The following F8 variants were observed in gnomAD, a reference collection of about 807,000 sequenced individuals.
F8 encodes the protein antihemophilic factor.
A neutral mutation model predicts 140.6 loss-of-function variants in F8; 12 were observed. The ratio of observed to expected loss-of-function variants is 0.09; its 90% CI spans 0.05 to 0.14. The LOEUF (loss-of-function observed/expected upper bound fraction) is 0.14, where lower values mean the gene tolerates loss of function less well. Ranked by LOEUF, F8 falls within the 10% of genes least tolerant of loss-of-function variation. F8 has a pLI of 1.00. For synonymous variants in F8, 585 were observed against 614.6 expected (o/e 0.95, Z 0.71); for missense variants, 1,354 against 1,720.7 (o/e 0.79, Z 3.77).
chrX:154,843,068 T>C (rs370994835), intron 25 of F8, among the ~76,000 whole-genome samples: 1 of 111,794 alleles, frequency 8.9e-6, no homozygotes, highest in South Asian at 3.7e-4. Context: ...GTCCTTGTGA[T>C]AGTTTTTGAG....
At position 154,966,591 on chromosome X, in the gene F8, A is replaced by T; in HGVS notation, c.1106T>A (p.Leu369His). Reference protein sequence around the residue: ...NEEAEDYDDDLTDSEMDVVRF... With the variant: ...NEEAEDYDDDHTDSEMDVVRF... ...GACCACATCCATTTCAGAATCAGTA[A>T]GATCATCATCATAGTCTTCCGCTTC... Residue 369 changes from leucine to histidine, a missense_variant, in exon 8 of 26, where the codon CTT (leucine) becomes CAT (histidine). Leu to His is a moderately conservative substitution (Grantham distance 99). Around this residue, in one of 4 missense-constraint regions of F8, gnomAD observed 252 missense variants for 338.5 expected, o/e 0.74. Transcript: ENST00000360256. The T allele has an allele frequency of 2.5e-6, 3 of 1,211,250 alleles. No individual in the cohort carries two copies. Among genetic ancestry groups the T allele is most frequent in the Non-Finnish European group, 3.4e-6 (3 of 895,138 alleles).
chrX:154,930,944 G>A lies in F8; in HGVS notation c.2846C>T (p.Thr949Ile), dbSNP rs782408511. ...CAAGCTCAGAGGTCCACCAGACTCA[G>A]TAAGGGGAGATGACTTTTTGCCAAA... ...TLFGKKSSPLTESGGPLSLSE... is the reference protein window; with the variant it reads ...TLFGKKSSPLIESGGPLSLSE... Residue 949 changes from threonine (T) to isoleucine (I), a missense_variant, in exon 14 of 26, where the codon ACT becomes ATT. Around this residue, in one of 4 missense-constraint regions of F8, gnomAD observed 658 missense variants for 666.5 expected, o/e 0.99. Transcript: ENST00000360256. 9.2e-6 allele frequency: 11 copies of A among 1,196,073 alleles called. No individual in the cohort carries two copies. In the Admixed American group the frequency reaches 2.3e-4, roughly 25 times the overall value.
intron 6 of F8, among the ~76,000 whole-genome samples, chrX:154,979,736 C>T (rs1557283351): frequency 8.9e-6 from 1 of 111,943 alleles, no homozygotes; most frequent in Non-Finnish European, 1.9e-5. Flanking sequence ...AGGATCACTG[C>T]TCAGGGCTCC....
At chrX:155,017,996 C>T (rs1557287188) in intron 1 of F8, among the ~76,000 whole-genome samples, 1 of 110,587 alleles carries the variant, frequency 9.0e-6, no homozygotes, top group East Asian at 2.8e-4. Flanking sequence ...TCCTCAGTAG[C>T]TGGGATTACA....
chrX:154,974,832 AG>A (rs1557282845), intron 6 of F8, among the ~76,000 whole-genome samples: 1 of 111,622 alleles, frequency 9.0e-6, no homozygotes, highest in African/African-American at 3.3e-5. Flanking sequence ...GTATGTGTCC[AG>A]GAATTTATCC....
intron 13 of F8, among the ~76,000 whole-genome samples, chrX:154,943,995 T>G (rs182904113): frequency 8.9e-6 from 1 of 111,872 alleles, no homozygotes; most frequent in Admixed American, 9.5e-5. Flanking sequence ...GAACCCTTCC[T>G]TACACCTTAT....
At chrX:154,964,142 G>A (rs1265172251) in intron 9 of F8, among the ~76,000 whole-genome samples, 7 of 111,926 alleles carry the variant, frequency 6.3e-5, no homozygotes, top group Admixed American at 9.5e-5. Flanking sequence ...CTGGAGGGGA[G>A]TATACAAACC....
chrX:154,868,855 T>C (rs28811621), intron 22 of F8, among the ~76,000 whole-genome samples: 1,314 of 110,095 alleles, frequency 0.012, 22 homozygotes, highest in African/African-American at 0.041. Flanking sequence ...GAGGAATATT[T>C]ACCAAGCAAA....
intron 14 of F8, among the ~76,000 whole-genome samples, chrX:154,925,105 C>A (rs1370264895): frequency 1.8e-5 from 2 of 112,672 alleles, no homozygotes; most frequent in African/African-American, 6.5e-5. Context: ...GCTTGAATTT[C>A]TCCTCAGAAA....
At chrX:154,940,241 A>G (rs1557279635) in intron 13 of F8, among the ~76,000 whole-genome samples, 1 of 111,670 alleles carries the variant, frequency 9.0e-6, no homozygotes, top group Admixed American at 9.5e-5. Flanking sequence ...AGTTCGAACC[A>G]ATGGCAAAGA....
At chrX:154,917,531 A>G (rs953155260) in intron 14 of F8, among the ~76,000 whole-genome samples, 26 of 111,494 alleles carry the variant, frequency 2.3e-4, no homozygotes, top group African/African-American at 8.5e-4. Context: ...TGAGCTTTTT[A>G]TTCATTGCTC....
chrX:154,949,052 T>C (rs1239895734), intron 12 of F8, among the ~76,000 whole-genome samples: 1 of 111,728 alleles, frequency 9.0e-6, no homozygotes, highest in Non-Finnish European at 1.9e-5. Context: ...AGTTGGTAAA[T>C]GATAATAGAA....
chrX:154,896,762 A>G (rs1157979847), intron 21 of F8, among the ~76,000 whole-genome samples: 1 of 111,915 alleles, frequency 8.9e-6, no homozygotes, highest in African/African-American at 3.3e-5. Flanking sequence ...TCACCCAGAC[A>G]AATTTAGTGC....
chrX:154,837,516 GA>G lies in F8; in HGVS notation c.*80del, dbSNP rs2072482978. On this transcript the variant is annotated 3_prime_UTR_variant, in exon 26 of 26. Coordinates refer to ENST00000360256, the MANE Select transcript of F8 (RefSeq NM_000132.4). ...TCTGCTAGGATTTAGCACAAAGGTA[GA>G]AGGCAAGCCAGGGAGGGACACTGCC... is the stretch of plus-strand genomic sequence containing the variant. 9.2e-7 allele frequency: 1 copy of G among 1,081,774 alleles called. No individual in the cohort carries two copies. Among genetic ancestry groups the G allele is most frequent in the African/African-American group, 1.8e-5 (1 of 54,201 alleles). The allele number at this position is 1,081,774 out of a possible 1,213,427, so 89.2% of individuals were successfully genotyped here.
intron 22 of F8, among the ~76,000 whole-genome samples, chrX:154,863,635 C>T (rs2072711146): frequency 9.0e-6 from 1 of 110,622 alleles, no homozygotes; most frequent in Non-Finnish European, 1.9e-5. Context: ...AGCTCTTGTT[C>T]CCCCACAGGA....
At chrX:154,976,367 G>C (rs782544412) in intron 6 of F8, among the ~76,000 whole-genome samples, 2 of 110,852 alleles carry the variant, frequency 1.8e-5, no homozygotes, top group South Asian at 7.6e-4. Context: ...TATGTAGTTA[G>C]ATCTTTTTTT....
At position 154,904,098 on chromosome X, in the gene F8, G is replaced by A; in HGVS notation, c.5816-10C>T. On this transcript the variant is annotated splice_polypyrimidine_tract_variant and intron_variant, in intron 17 of 25. Transcript: ENST00000360256. ...ATGTAGCCATTGATTGCTGGAGAAGGACACAGAGAAGCCTGTTAAAATCTA... is the reference window on the plus strand; with the variant it reads ...ATGTAGCCATTGATTGCTGGAGAAGAACACAGAGAAGCCTGTTAAAATCTA... The A allele has an allele frequency of 8.3e-7, 1 of 1,209,431 alleles. No homozygotes were observed. The highest frequency in any genetic ancestry group is 1.1e-6 in the Non-Finnish European group (1 of 893,674).
intron 22 of F8, among the ~76,000 whole-genome samples, chrX:154,876,121 T>G (rs2072810896): frequency 1.0e-5 from 1 of 99,596 alleles, no homozygotes; most frequent in Non-Finnish European, 2.0e-5. Flanking sequence ...GGGAATTTTT[T>G]TTTTTTTTTT....
intron 9 of F8, among the ~76,000 whole-genome samples, chrX:154,964,161 T>C (rs1320262390): frequency 8.9e-6 from 1 of 111,921 alleles, no homozygotes. Context: ...CCCACAGCAA[T>C]GACTGTCTGT....
Sources: gnomAD v4.1 joint callset for allele counts (sites outside exome capture counted in the v4.1 genomes callset) on GRCh38, gnomAD v4.1.1 for gene constraint, gnomAD v4.1.1 regional missense constraint, MANE v1.5 for transcripts, NCBI Gene and HGNC (gene_info 2026-07-23, HGNC 2026-07-21) for gene names.